Variants in TENT5D observed in about 807,000 individuals in gnomAD.
TENT5D encodes terminal nucleotidyltransferase 5D, also known as cancer/testis antigen 112.
For missense variants in TENT5D, 191 were observed against 287.0 expected (o/e 0.67, Z 2.42); for synonymous variants, 103 against 100.6 (o/e 1.02, Z -0.15).
chrX:80,412,896 G>C (rs1348317444), intron 3 of TENT5D, among the ~76,000 whole-genome samples: 1 of 111,223 alleles, frequency 9.0e-6, no homozygotes, highest in African/African-American at 3.3e-5. Flanking sequence ...TCCTAAGTAA[G>C]AACATTAAAA....
intron 2 of TENT5D, among the ~76,000 whole-genome samples, chrX:80,341,803 C>T (rs1460486623): frequency 1.9e-5 from 2 of 104,526 alleles, no homozygotes; most frequent in Admixed American, 1.0e-4. Flanking sequence ...GCTCCGCCTC[C>T]CGGGTTCACG....
chrX:80,386,384 C>T (rs757611866), intron 3 of TENT5D, among the ~76,000 whole-genome samples: 1 of 109,773 alleles, frequency 9.1e-6, no homozygotes, highest in Non-Finnish European at 1.9e-5. Context: ...GGAAGGGGAA[C>T]ATCACACACT....
intron 3 of TENT5D, among the ~76,000 whole-genome samples, chrX:80,402,750 C>T (rs1454822287): frequency 2.7e-5 from 3 of 111,847 alleles, no homozygotes; most frequent in Admixed American, 9.5e-5. Context: ...GGAAAAGTTA[C>T]TTGATATGAT....
intron 1 of TENT5D, among the ~76,000 whole-genome samples, chrX:80,433,095 C>T (rs760443219): frequency 1.8e-5 from 2 of 111,593 alleles, no homozygotes; most frequent in South Asian, 3.8e-4. Flanking sequence ...GAAAAGGAAA[C>T]GGAAGTGCCC....
At chrX:80,346,598 C>T (rs1484517372) in intron 3 of TENT5D, among the ~76,000 whole-genome samples, 1 of 111,689 alleles carries the variant, frequency 9.0e-6, no homozygotes, top group Non-Finnish European at 1.9e-5. Flanking sequence ...CATGATAGTG[C>T]GCAGCTTTAA....
chrX:80,338,966 T>C (rs1007468404), intron 2 of TENT5D, among the ~76,000 whole-genome samples: 1 of 112,058 alleles, frequency 8.9e-6, no homozygotes, highest in Non-Finnish European at 1.9e-5. Flanking sequence ...TGAAACTTAA[T>C]AGTTTACAGA....
intron 3 of TENT5D, among the ~76,000 whole-genome samples, chrX:80,354,236 T>C (rs1930241328): frequency 9.0e-6 from 1 of 111,704 alleles, no homozygotes. Context: ...AATTTGCATG[T>C]TGATCTCTCT....
chrX:80,370,690 T>C (rs1269933226), intron 3 of TENT5D, among the ~76,000 whole-genome samples: 2 of 112,121 alleles, frequency 1.8e-5, no homozygotes, highest in Non-Finnish European at 3.8e-5. Flanking sequence ...TCTTTGTTTA[T>C]ATTTATTTTT....
chrX:80,355,408 C>T (rs1930263609), intron 3 of TENT5D, among the ~76,000 whole-genome samples: 1 of 111,498 alleles, frequency 9.0e-6, no homozygotes, highest in Admixed American at 9.5e-5. Context: ...CTGTCCAGGT[C>T]CAGCAGCTAA....
chrX:80,417,576 G>A (rs897004987), upstream of TENT5D, among the ~76,000 whole-genome samples: 2 of 109,769 alleles, frequency 1.8e-5, no homozygotes, highest in Admixed American at 9.8e-5. Context: ...AGCTTAGTTT[G>A]ACTGGCTATG....
intron 3 of TENT5D, among the ~76,000 whole-genome samples, chrX:80,379,380 A>G (rs957440556): frequency 4.5e-5 from 5 of 110,333 alleles, no homozygotes; most frequent in African/African-American, 1.3e-4. Flanking sequence ...TCATATCGCT[A>G]TTCATCAGGG....
At chrX:80,353,494 C>T (rs1481352542) in intron 3 of TENT5D, among the ~76,000 whole-genome samples, 1 of 111,287 alleles carries the variant, frequency 9.0e-6, no homozygotes, top group East Asian at 2.8e-4. Context: ...TATGTGTACT[C>T]AATGTTTAGC....
At chrX:80,406,350 GA>G (rs1230815925) in intron 3 of TENT5D, among the ~76,000 whole-genome samples, 1 of 106,798 alleles carries the variant, frequency 9.4e-6, no homozygotes, top group African/African-American at 3.4e-5. Context: ...TGAAAACTTT[GA>G]AAAAAATTTA....
chrX:80,426,006 G>A (rs1449678913), intron 1 of TENT5D, among the ~76,000 whole-genome samples: 6 of 110,481 alleles, frequency 5.4e-5, no homozygotes, highest in African/African-American at 9.8e-5. Flanking sequence ...CAGCCTGTGC[G>A]ACAGAGTGAG....
intron 2 of TENT5D, among the ~76,000 whole-genome samples, chrX:80,336,914 C>T (rs1929862225): frequency 8.9e-6 from 1 of 112,052 alleles, no homozygotes; most frequent in African/African-American, 3.2e-5. Context: ...AAAGACGAAT[C>T]GTAGCCTGTG....
At chrX:80,436,876 T>C (rs1932194048) in intron 1 of TENT5D, among the ~76,000 whole-genome samples, 1 of 112,080 alleles carries the variant, frequency 8.9e-6, no homozygotes, top group Non-Finnish European at 1.9e-5. Flanking sequence ...ACTAGGGCTC[T>C]CTATTGGTAC....
At chrX:80,377,504 C>A (rs1203509352) in intron 3 of TENT5D, among the ~76,000 whole-genome samples, 1 of 110,427 alleles carries the variant, frequency 9.1e-6, no homozygotes, top group African/African-American at 3.3e-5. Flanking sequence ...TCTGTCCTTG[C>A]AATAGTTTCC....
intron 3 of TENT5D, among the ~76,000 whole-genome samples, chrX:80,349,327 A>C (rs1238667057): frequency 2.7e-5 from 3 of 111,653 alleles, no homozygotes; most frequent in African/African-American, 9.8e-5. Flanking sequence ...TTACTGCCTC[A>C]ATTACAGAAC....
chrX:80,361,598 CTTTA>C (rs928216134), intron 3 of TENT5D, among the ~76,000 whole-genome samples: 28 of 111,353 alleles, frequency 2.5e-4, no homozygotes, highest in South Asian at 7.5e-4. Flanking sequence ...TCTCTTTATA[CTTTA>C]TTTATCATGT....
Sources: gnomAD v4.1 joint callset for allele counts (sites outside exome capture counted in the v4.1 genomes callset) on GRCh38, gnomAD v4.1.1 for gene constraint, MANE v1.5 for transcripts, NCBI Gene and HGNC (gene_info 2026-07-23, HGNC 2026-07-21) for gene names.